The following CDH13 variants were observed in gnomAD, a reference collection of about 807,000 sequenced individuals.
CDH13 encodes the protein cadherin 13, also known as cadherin-13.
CDH13 carries 24 observed loss-of-function variants against 63.8 expected under a neutral mutation model. The ratio of observed to expected loss-of-function variants is 0.38; its 90% CI spans 0.27 to 0.53. The LOEUF is 0.53. CDH13 is among the 20% of genes least tolerant of loss of function. The probability of loss-of-function intolerance (pLI) is 0.85; values close to 1 mark genes in which losing one functional copy is unlikely to be tolerated. For missense variants in CDH13, 1,049 were observed against 903.1 expected (o/e 1.16, Z -2.07); for synonymous variants, 503 against 355.3 (o/e 1.42, Z -4.67).
chr16:82,866,168 T>C (rs1250073511), intron 2 of CDH13, among the ~76,000 whole-genome samples: 1 of 152,210 alleles, frequency 6.6e-6, no homozygotes, highest in Admixed American at 6.5e-5. Context: ...ACTATCAGCA[T>C]TTTGGTCAAA....
At chr16:83,364,625 A>C (rs904311377) in intron 6 of CDH13, among the ~76,000 whole-genome samples, 4 of 152,188 alleles carry the variant, frequency 2.6e-5, no homozygotes, top group Admixed American at 1.3e-4. Flanking sequence ...CTGGAACTCC[A>C]TTACTTGGTT....
At chr16:83,572,649 G>T (rs1302144595) in intron 7 of CDH13, among the ~76,000 whole-genome samples, 1 of 152,114 alleles carries the variant, frequency 6.6e-6, no homozygotes, top group Non-Finnish European at 1.5e-5. Context: ...GTTAATTGAT[G>T]TTATTCCTGG....
intron 5 of CDH13, among the ~76,000 whole-genome samples, chr16:83,266,880 G>C (rs1018853723): frequency 6.6e-6 from 1 of 152,140 alleles, no homozygotes; most frequent in Non-Finnish European, 1.5e-5. Flanking sequence ...GGGATGTCTT[G>C]TCCTAACTAT....
At chr16:82,771,619 C>T (rs1597522589) in intron 1 of CDH13, among the ~76,000 whole-genome samples, 1 of 152,178 alleles carries the variant, frequency 6.6e-6, no homozygotes, top group African/African-American at 2.4e-5. Context: ...CAGCTTGTAT[C>T]GGAATTGGGA....
At chr16:83,208,976 C>G (rs958786483) in intron 4 of CDH13, among the ~76,000 whole-genome samples, 1 of 152,122 alleles carries the variant, frequency 6.6e-6, no homozygotes, top group African/African-American at 2.4e-5. Flanking sequence ...TTTTCAACTC[C>G]TAAGCATTAC....
intron 2 of CDH13, among the ~76,000 whole-genome samples, chr16:82,950,332 T>C (rs1265049944): frequency 2.0e-5 from 3 of 152,150 alleles, no homozygotes; most frequent in Non-Finnish European, 2.9e-5. Flanking sequence ...TCTCCCATTT[T>C]TTTTGGTAAG....
intron 8 of CDH13, among the ~76,000 whole-genome samples, chr16:83,621,764 G>C (rs933415348): frequency 1.3e-5 from 2 of 150,768 alleles, no homozygotes; most frequent in African/African-American, 2.4e-5. Flanking sequence ...CGGTATTACA[G>C]GTGTGAGCCA....
chr16:82,913,771 A>T (rs551692387), intron 2 of CDH13, among the ~76,000 whole-genome samples: 1 of 151,726 alleles, frequency 6.6e-6, no homozygotes, highest in South Asian at 2.1e-4. Flanking sequence ...CATTTGGGAG[A>T]TGAAGGGGGT....
intron 1 of CDH13, among the ~76,000 whole-genome samples, chr16:82,757,924 C>A (rs753376098): frequency 6.6e-6 from 1 of 152,160 alleles, no homozygotes; most frequent in Non-Finnish European, 1.5e-5. Context: ...GCTGAGATTA[C>A]AGGCGTGAGT....
chr16:82,992,139 G>A (rs1911730992), intron 2 of CDH13, among the ~76,000 whole-genome samples: 1 of 152,146 alleles, frequency 6.6e-6, no homozygotes, highest in South Asian at 2.1e-4. Context: ...AATAGGAAGT[G>A]GTAAACTTCA....
chr16:83,203,549 T>C (rs188577404), intron 4 of CDH13, among the ~76,000 whole-genome samples: 6,256 of 149,900 alleles, frequency 0.042, 259 homozygotes, highest in African/African-American at 0.11. Context: ...TAGCCGGCTG[T>C]CGTGGTGGGT....
At chr16:83,040,912 C>G (rs1490191962) in intron 3 of CDH13, among the ~76,000 whole-genome samples, 2 of 152,150 alleles carry the variant, frequency 1.3e-5, no homozygotes, top group African/African-American at 4.8e-5. Context: ...TCCATCCATG[C>G]CCAACATGAC....
chr16:82,960,734 C>T (rs934970424), intron 2 of CDH13, among the ~76,000 whole-genome samples: 2 of 152,054 alleles, frequency 1.3e-5, no homozygotes, highest in Admixed American at 6.5e-5. Flanking sequence ...CTGATATCTT[C>T]TAGGGAACTT....
At chr16:82,831,515 A>C (rs2038539422) in intron 1 of CDH13, among the ~76,000 whole-genome samples, 4 of 152,164 alleles carry the variant, frequency 2.6e-5, no homozygotes, top group Admixed American at 6.6e-5. Flanking sequence ...GCAGCAAAGG[A>C]AACAACTCCA....
At chr16:83,362,538 C>G (rs933380835) in intron 6 of CDH13, among the ~76,000 whole-genome samples, 5 of 152,208 alleles carry the variant, frequency 3.3e-5, no homozygotes, top group African/African-American at 1.2e-4. Context: ...TGAACACTTT[C>G]AAATTCTTTA....
chr16:82,670,558 G>A (rs1043005482), intron 1 of CDH13, among the ~76,000 whole-genome samples: 3 of 152,200 alleles, frequency 2.0e-5, no homozygotes, highest in Admixed American at 6.5e-5. Flanking sequence ...CGGGGCACAC[G>A]TACTGAGGAC....
At chr16:82,746,782 A>G in intron 1 of CDH13, among the ~76,000 whole-genome samples, 1 of 152,188 alleles carries the variant, frequency 6.6e-6, no homozygotes, top group East Asian at 1.9e-4. Context: ...AGAAGTTGCA[A>G]GAGTCGTACC....
Position 83,670,873 on chromosome 16 carries a change from A to T in CDH13, c.1185A>T (p.Ala395=), listed in dbSNP as rs1810444624. ...VEDKDDPTTG[A]WRAAYTIING... is the part of the protein sequence containing the mutation. ...ATAAGGATGACCCCACCACAGGTGC[A>T]TGGAGGGCTGCCTACACCATCATCA... Residue 395 remains alanine, a synonymous_variant, in exon 9 of 14, where the codon GCA becomes GCT. Coordinates refer to ENST00000567109, the MANE Select transcript of CDH13 (RefSeq NM_001257.5). The T allele has an allele frequency of 1.2e-6, 2 of 1,613,760 alleles. No individual in the cohort carries two copies. Among genetic ancestry groups the T allele is most frequent in the African/African-American group, 1.3e-5 (1 of 74,914 alleles).
chr16:83,034,305 G>C (rs891697429), intron 3 of CDH13, among the ~76,000 whole-genome samples: 4 of 152,116 alleles, frequency 2.6e-5, no homozygotes, highest in African/African-American at 9.7e-5. Flanking sequence ...CCATTCCTGG[G>C]CTGGATGAAC....
Sources: gnomAD v4.1 joint callset for allele counts (sites outside exome capture counted in the v4.1 genomes callset) on GRCh38, gnomAD v4.1.1 for gene constraint, MANE v1.5 for transcripts, NCBI Gene and HGNC (gene_info 2026-07-23, HGNC 2026-07-21) for gene names.